The following USP42 variants were observed in gnomAD, a reference collection of about 807,000 sequenced individuals.
USP42 encodes ubiquitin specific peptidase 42, also known as ubiquitin carboxyl-terminal hydrolase 42.
A neutral mutation model predicts 113.0 loss-of-function variants in USP42; 23 were observed. The ratio of observed to expected loss-of-function variants is 0.20; its 90% CI spans 0.15 to 0.29. The LOEUF (loss-of-function observed/expected upper bound fraction) is 0.29, where lower values mean the gene tolerates loss of function less well. Among genes scored for constraint, USP42 ranks in the 10% least tolerant of loss-of-function variants. The pLI is 1.00. For missense variants in USP42, 2,174 were observed against 1,779.8 expected (o/e 1.22, Z -3.99); for synonymous variants, 933 against 699.0 (o/e 1.33, Z -5.28).
chr7:6,105,174 C>T (rs1337123263), intron 1 of USP42, 142 bp downstream of exon 1: 2 of 145,718 alleles, frequency 1.4e-5, no homozygotes, highest in African/African-American at 2.5e-5. Flanking sequence ...GCCCGCCTCC[C>T]CCTACACAGC....
At chr7:6,092,126 T>C in the USP42 span, among the ~76,000 whole-genome samples, 496 of 141,688 alleles carry the variant, frequency 3.5e-3, 4 homozygotes, top group Non-Finnish European at 6.2e-3. Flanking sequence ...TCCTCTTCCT[T>C]CTTCTTCTTC....
chr7:6,119,691 TTTGTTG>T (rs577769040), intron 3 of USP42, among the ~76,000 whole-genome samples: 1 of 152,056 alleles, frequency 6.6e-6, no homozygotes, highest in Non-Finnish European at 1.5e-5. Context: ...GGCCTTGTTT[TTTGTTG>T]TTGTTGTTGT....
intron 4 of USP42, 126 bp from the exon 5 acceptor site, chr7:6,138,966 T>A (rs2128503301): frequency 3.2e-6 from 2 of 619,256 alleles, no homozygotes; most frequent in East Asian, 5.9e-5. Flanking sequence ...GTTAGTGCTA[T>A]TTCCTCATAA....
At position 6,158,728 on chromosome 7, in the gene USP42, T is replaced by C. The variant is rs1167714094; in HGVS notation, c.3944-722T>C. 6.6e-6 allele frequency among the ~76,000 whole-genome samples: 1 copy of C among 152,132 alleles called. No homozygotes were observed. The highest frequency in any genetic ancestry group is 2.4e-5 in the African/African-American group (1 of 41,430). On this transcript the variant is annotated intron_variant, in intron 16 of 17. Coordinates refer to ENST00000306177, the MANE Select transcript of USP42 (RefSeq NM_032172.3). This position sits in a 1 kb window ranked among gnomAD's most constrained non-coding sequence, Gnocchi z 4.2. ...GGTTTTGCGTTCCCATTTCAGCGAA[T>C]CGGGGAAGGAGATTCGTGAGGGCTG...
At chr7:6,133,735 G>A (rs1780976702) in intron 3 of USP42, among the ~76,000 whole-genome samples, 1 of 152,010 alleles carries the variant, frequency 6.6e-6, no homozygotes, top group African/African-American at 2.4e-5. Context: ...GCCCAGGCTG[G>A]TGTCAAACTC....
rs1407617482 is a variant in USP42 at position 6,157,069 on chromosome 7, CTTGGAA to C, written c.3943+17_3943+22del. The C allele has an allele frequency of 1.9e-6, 3 of 1,565,628 alleles. No homozygotes were observed. Among genetic ancestry groups the C allele is most frequent in the Non-Finnish European group, 2.6e-6 (3 of 1,159,988 alleles). On this transcript the variant is annotated intron_variant, in intron 16 of 17. Coordinates refer to ENST00000306177, the MANE Select transcript of USP42 (RefSeq NM_032172.3). This position sits in a 1 kb window ranked among gnomAD's most constrained non-coding sequence, Gnocchi z 4.1. ...AGTATGGCCAGGGTAAGAGGAGATA[CTTGGAA>C]TTAGGAAGATAGAAACTATTTCTTA...
chr7:6,148,984 A>G (rs1332022605), intron 12 of USP42, among the ~76,000 whole-genome samples: 1 of 152,180 alleles, frequency 6.6e-6, no homozygotes, highest in Non-Finnish European at 1.5e-5. Context: ...TAATTCAGGT[A>G]TGTGAGGAGA....
chr7:6,134,747 C>T (rs529228271), intron 3 of USP42, among the ~76,000 whole-genome samples: 30 of 152,270 alleles, frequency 2.0e-4, no homozygotes, highest in African/African-American at 6.7e-4. Flanking sequence ...TGGCCAGCAA[C>T]GCCAGAGTAT....
intron 7 of USP42, among the ~76,000 whole-genome samples, chr7:6,142,134 A>T (rs968490712): frequency 6.6e-6 from 1 of 151,978 alleles, no homozygotes. Context: ...AATTCTGCTC[A>T]TTTTTAAATG....
chr7:6,146,586 C>T (rs1306913347), intron 11 of USP42, among the ~76,000 whole-genome samples: 1 of 151,992 alleles, frequency 6.6e-6, no homozygotes, highest in Non-Finnish European at 1.5e-5. Context: ...ATTACCTGAG[C>T]CTGGGGAGGC....
rs746660207 is a variant in USP42, at chr7:6,147,858, T to G, written c.1352T>G (p.Phe451Cys). The G allele has an allele frequency of 3.1e-6, 5 of 1,612,384 alleles. No homozygotes were observed. The highest frequency in any genetic ancestry group is 8.5e-7 in the Non-Finnish European group (1 of 1,179,036). ...ACCAACAAACAGGCTGCGCCAGGCTTTATCGGACCACAGCTTCCCTCTCAC... is the reference window on the plus strand; with the variant it reads ...ACCAACAAACAGGCTGCGCCAGGCTGTATCGGACCACAGCTTCCCTCTCAC... ...VVTNKQAAPG[F>C]IGPQLPSHMI... The change falls in exon 12 of 18, where the codon TTT becomes TGT. Residue 451 changes from phenylalanine to cysteine, a missense_variant. Coordinates refer to ENST00000306177, the MANE Select transcript of USP42 (RefSeq NM_032172.3).
chr7:6,148,144 C>T (rs11984027), intron 12 of USP42, among the ~76,000 whole-genome samples: 20,566 of 152,090 alleles, frequency 0.14, 1,591 homozygotes, highest in African/African-American at 0.2. Flanking sequence ...TTGAGACCAC[C>T]CTGGGTACCA....
chr7:6,114,674 ATATATTTTTTTTT>A (rs1396307051), intron 2 of USP42, among the ~76,000 whole-genome samples: 4 of 34,810 alleles, frequency 1.1e-4, no homozygotes, highest in African/African-American at 1.4e-4. Flanking sequence ...ATATATATAT[ATATATTTTTTTTT>A]TTTTTTTTTT....
chr7:6,148,557 G>A (rs556898051), intron 12 of USP42, among the ~76,000 whole-genome samples: 3 of 152,272 alleles, frequency 2.0e-5, no homozygotes, highest in South Asian at 2.1e-4. Context: ...CCATTTAGTC[G>A]TTTCAGGGGT....
chr7:6,144,107 T>G lies in USP42; in HGVS notation c.901T>G (p.Ser301Ala). 4 of 1,574,584 alleles carry G rather than the reference T, an allele frequency of 2.5e-6. No homozygotes were observed. Among genetic ancestry groups the G allele is most frequent in the Non-Finnish European group, 3.4e-6 (4 of 1,167,502 alleles). ...CSKCKKMVPA[S>A]KRFTIHRSSN... ...AAGGTGTAAAAAGATGGTTCCAGCTTCAAAGAGGTTCACTATCCATAGATC... is the reference window on the plus strand; with the variant it reads ...AAGGTGTAAAAAGATGGTTCCAGCTGCAAAGAGGTTCACTATCCATAGATC... The change falls in exon 9 of 18, where the codon TCA becomes GCA. Residue 301 changes from serine (S) to alanine (A), a missense_variant. Physicochemically the swap from Ser to Ala is moderately conservative, Grantham distance 99. Transcript: ENST00000306177.
rs943593078 is a variant in USP42 at position 6,157,231 on chromosome 7, G to C, written c.3943+176G>C. 1 of 1,401,898 alleles carries C rather than the reference G, an allele frequency of 7.1e-7. No individual in the cohort carries two copies. Among genetic ancestry groups the C allele is most frequent in the South Asian group, 1.6e-5 (1 of 61,642 alleles). 86.8% of individuals were successfully genotyped at this position (1,401,898 alleles called of 1,614,324 possible). ...GTGCTCATCCCTGCAGTGTGGTTCCGTTGCACAGTTAAGCCCTTAGCGTTT... is the reference window on the plus strand; with the variant it reads ...GTGCTCATCCCTGCAGTGTGGTTCCCTTGCACAGTTAAGCCCTTAGCGTTT... On this transcript the variant is annotated intron_variant, in intron 16 of 17. Transcript: ENST00000306177. This position sits in a 1 kb window ranked among gnomAD's most constrained non-coding sequence, Gnocchi z 4.1.
rs1781918238 is a variant in USP42 at position 6,149,606 on chromosome 7, T to C, written c.1410T>C (p.Thr470=). 6.2e-7 allele frequency: 1 copy of C among 1,613,906 alleles called. No homozygotes were observed. Among genetic ancestry groups the C allele is most frequent in the South Asian group, 1.1e-5 (1 of 91,070 alleles). The change falls in exon 13 of 18, where the codon ACT becomes ACC. Residue 470 remains threonine, a synonymous_variant. Transcript: ENST00000306177. ...MIKNPPHLNG[T]GPLKDTPSSS... ...AGAATCCACCTCACTTAAATGGGAC[T>C]GGACCATTGAAAGACACGCCAAGCA...
chr7:6,088,547 G>A, the USP42 span, among the ~76,000 whole-genome samples: 2 of 151,146 alleles, frequency 1.3e-5, no homozygotes, highest in Non-Finnish European at 1.5e-5. Flanking sequence ...ATGAGCCACC[G>A]TGCATGGCCT....
rs558150628 is a variant in USP42, at chr7:6,108,299, A to G, written c.-9-2826A>G. 1.3e-3 allele frequency among the ~76,000 whole-genome samples: 201 copies of G among 152,220 alleles called. 1 individual carries two copies. The highest frequency in any genetic ancestry group is 4.7e-3 in the African/African-American group (196 of 41,540). The stretch of plus-strand genomic sequence containing the variant: ...ATGCCTGTAATTCCAGCATTTTGGG[A>G]GGCAGAGGCAGGAGGATCGTTTGAG... On this transcript the variant is annotated intron_variant, in intron 1 of 17. Transcript: ENST00000306177.
Sources: allele counts gnomAD v4.1 joint callset (sites outside exome capture counted in the v4.1 genomes callset), GRCh38; gene constraint gnomAD v4.1.1; non-coding constraint Gnocchi (gnomAD v3.1); transcripts MANE v1.5; gene names NCBI Gene and HGNC (gene_info 2026-07-23, HGNC 2026-07-21).